Variants in CBFA2T2 observed in about 807,000 individuals in gnomAD.
The protein encoded by CBFA2T2 is protein CBFA2T2.
CBFA2T2 carries 11 observed loss-of-function variants against 62.2 expected under a neutral mutation model. The ratio of observed to expected loss-of-function variants is 0.18; its 90% CI spans 0.11 to 0.29. The LOEUF is 0.29. Among genes scored for constraint, CBFA2T2 ranks in the 10% least tolerant of loss-of-function variants. The pLI is 1.00. For missense variants in CBFA2T2, 592 were observed against 774.1 expected (o/e 0.76, Z 2.79); for synonymous variants, 295 against 287.5 (o/e 1.03, Z -0.27).
intron 3 of CBFA2T2, among the ~76,000 whole-genome samples, chr20:33,617,589 A>G (rs13044341): frequency 3.7e-4 from 57 of 152,306 alleles, no homozygotes; most frequent in Non-Finnish European, 7.1e-4. Flanking sequence ...TAGCCCTTCC[A>G]TACATTTAAT....
chr20:33,591,445 G>C (rs2014623041), intron 1 of CBFA2T2, among the ~76,000 whole-genome samples: 1 of 135,878 alleles, frequency 7.4e-6, no homozygotes, highest in Admixed American at 8.0e-5. Context: ...CTGCACTCCA[G>C]CCTGAGCAAC....
chr20:33,602,373 C>T (rs962741396), intron 1 of CBFA2T2, among the ~76,000 whole-genome samples: 1 of 149,630 alleles, frequency 6.7e-6, no homozygotes, highest in Admixed American at 6.8e-5. Context: ...TAGCCTTTCC[C>T]TTTAGATAAC....
rs17124834 is a variant in CBFA2T2, at chr20:33,623,337, G to A, written c.692+41G>A. The A allele has an allele frequency of 0.028, 45,410 of 1,599,090 alleles. 6,258 individuals are homozygous for A. In the African/African-American group the frequency reaches 0.33, roughly 12 times the overall value. Reference sequence around the variant, plus strand: ...TTGCTGTCCTTGCCTTCCTGGAACCGCACTGGTCCTCCCCTTTGCTTATAA... The same window carrying A: ...TTGCTGTCCTTGCCTTCCTGGAACCACACTGGTCCTCCCCTTTGCTTATAA... On this transcript the variant is annotated intron_variant, in intron 5 of 10. Transcript: ENST00000342704.
chr20:33,553,814 A>G (rs2012809590), intron 1 of CBFA2T2, among the ~76,000 whole-genome samples: 2 of 152,176 alleles, frequency 1.3e-5, no homozygotes, highest in African/African-American at 2.4e-5. Flanking sequence ...TTTTTGAAAA[A>G]TGATTTTATT....
At chr20:33,536,084 C>G (rs1263483148) in intron 1 of CBFA2T2, among the ~76,000 whole-genome samples, 5 of 152,354 alleles carry the variant, frequency 3.3e-5, no homozygotes, top group East Asian at 1.9e-4. Flanking sequence ...TACACAGACA[C>G]GGCAACCATC....
At chr20:33,545,517 C>A (rs1307394873) in intron 1 of CBFA2T2, among the ~76,000 whole-genome samples, 3 of 122,834 alleles carry the variant, frequency 2.4e-5, no homozygotes, top group African/African-American at 1.0e-4. Context: ...GGCACGATCT[C>A]GCCTCACTGC....
intron 1 of CBFA2T2, among the ~76,000 whole-genome samples, chr20:33,544,781 A>C (rs945667853): frequency 6.6e-6 from 1 of 152,048 alleles, no homozygotes; most frequent in Non-Finnish European, 1.5e-5. Flanking sequence ...TCCTGACCTC[A>C]TGATCCCCCC....
At chr20:33,535,099 C>T (rs2012170071) in intron 1 of CBFA2T2, among the ~76,000 whole-genome samples, 1 of 152,180 alleles carries the variant, frequency 6.6e-6, no homozygotes, top group South Asian at 2.1e-4. Flanking sequence ...GTGTGCTGGG[C>T]ATCCTGCCAT....
At chr20:33,526,166 C>T (rs994045045) in intron 1 of CBFA2T2, among the ~76,000 whole-genome samples, 3 of 152,088 alleles carry the variant, frequency 2.0e-5, no homozygotes, top group African/African-American at 4.8e-5. Context: ...GGATTACAGG[C>T]GTGAGCCACC....
chr20:33,592,099 A>G (rs2014671877), intron 1 of CBFA2T2, among the ~76,000 whole-genome samples: 2 of 152,310 alleles, frequency 1.3e-5, no homozygotes, highest in South Asian at 2.1e-4. Flanking sequence ...CCAGTGGCTC[A>G]TGCCTGTTAT....
Position 33,624,876 on chromosome 20 carries a change from A to G in CBFA2T2, c.805A>G (p.Met269Val), listed in dbSNP as rs533112092. Residue 269 changes from methionine to valine, a missense_variant, in exon 6 of 11, where the codon ATG (methionine) becomes GTG (valine). This residue lies in a region of CBFA2T2 where 449 missense variants were observed against 551.2 expected (regional missense o/e 0.81). Transcript: ENST00000342704. ...RHSPALTVPLMNPGGQFHPTP... is the reference protein window; with the variant it reads ...RHSPALTVPLVNPGGQFHPTP... Reference sequence around the variant, plus strand: ...CAGTCCTGCTCTCACTGTGCCCCTCATGAATCCCGGGGGCCAATTCCATCC... The same window carrying G: ...CAGTCCTGCTCTCACTGTGCCCCTCGTGAATCCCGGGGGCCAATTCCATCC... 9 of 1,614,100 alleles carry G rather than the reference A, an allele frequency of 5.6e-6. No individual in the cohort carries two copies. The African/African-American group carries it at 6.7e-5, about 12-fold the overall frequency.
At chr20:33,563,657 C>A (rs1168929150) in intron 1 of CBFA2T2, among the ~76,000 whole-genome samples, 4 of 152,164 alleles carry the variant, frequency 2.6e-5, no homozygotes, top group Admixed American at 6.5e-5. Context: ...AAGCAAGCCA[C>A]TGTTCTCTTT....
At chr20:33,526,117 T>C (rs1481017163) in intron 1 of CBFA2T2, among the ~76,000 whole-genome samples, 1 of 151,900 alleles carries the variant, frequency 6.6e-6, no homozygotes, top group Non-Finnish European at 1.5e-5. Context: ...CTGTTTGACA[T>C]GTTAATGAAT....
intron 10 of CBFA2T2, among the ~76,000 whole-genome samples, chr20:33,641,961 A>G (rs945187565): frequency 4.6e-5 from 7 of 152,106 alleles, no homozygotes; most frequent in African/African-American, 1.7e-4. Context: ...GGCAATGTGC[A>G]GATGAAAATG....
chr20:33,643,836 T>TA (rs2122404675), intron 10 of CBFA2T2, among the ~76,000 whole-genome samples: 1 of 108,610 alleles, frequency 9.2e-6, no homozygotes, highest in African/African-American at 3.9e-5. Flanking sequence ...TGTGTGTGTG[T>TA]GTGTGTGTGT....
chr20:33,505,823 G>T (rs2011393486), intron 1 of CBFA2T2, among the ~76,000 whole-genome samples: 1 of 152,042 alleles, frequency 6.6e-6, no homozygotes, highest in Non-Finnish European at 1.5e-5. Flanking sequence ...AGGTGTGGTG[G>T]CTTAGGCTTG....
chr20:33,627,680 C>T (rs553450619), intron 6 of CBFA2T2, among the ~76,000 whole-genome samples: 1 of 152,234 alleles, frequency 6.6e-6, no homozygotes, highest in Admixed American at 6.5e-5. Flanking sequence ...TCATGAGGAA[C>T]TCAATATATA....
At position 33,579,235 on chromosome 20, in the gene CBFA2T2, A is replaced by G. The variant is rs77025586; in HGVS notation, c.35-27721A>G. 4.0e-4 allele frequency among the ~76,000 whole-genome samples: 60 copies of G among 150,538 alleles called. 2 individuals are homozygous for G. In the East Asian group the frequency reaches 8.0e-3, roughly 20 times the overall value. ...TTTTTAATTTTTAAATTTTTATTCA[A>G]TTTTTTTTAAAATTTAGCGATGGGG... On this transcript the variant is annotated intron_variant, in intron 1 of 10. Transcript: ENST00000342704.
chr20:33,574,134 A>C, intron 1 of CBFA2T2: 1 of 1,578,778 alleles, frequency 6.3e-7, no homozygotes, highest in Non-Finnish European at 8.6e-7. Context: ...GTTTTTGTGG[A>C]GCACAATCCT....
Sources: allele counts gnomAD v4.1 joint callset (sites outside exome capture counted in the v4.1 genomes callset), GRCh38; gene constraint gnomAD v4.1.1; regional missense constraint gnomAD v4.1.1; transcripts MANE v1.5; gene names NCBI Gene and HGNC (gene_info 2026-07-23, HGNC 2026-07-21).